BNIP2: variants seen among roughly 807,000 people sequenced by gnomAD.
The protein encoded by BNIP2 is BCL2/adenovirus E1B 19 kDa protein-interacting protein 2.
BNIP2 carries 36 observed loss-of-function variants against 43.4 expected under a neutral mutation model. That is an observed-to-expected ratio of 0.83 (90% CI 0.64 to 1.10). BNIP2 has a LOEUF of 1.10. Among genes scored for constraint, BNIP2 ranks in the 50% least tolerant of loss-of-function variants. BNIP2 has a pLI of 0.00. For missense variants in BNIP2, 417 were observed against 374.1 expected, an observed-to-expected ratio of 1.11 and a Z score of -0.95; for synonymous variants, 146 against 121.0, an observed-to-expected ratio of 1.21 and a Z score of -1.35.
chr15:59,677,741 C>G (rs1220097337), intron 5 of BNIP2, 170 bp downstream of exon 5: 1 of 1,162,586 alleles, frequency 8.6e-7, no homozygotes, highest in Non-Finnish European at 1.1e-6. Flanking sequence ...AAAACAAGCC[C>G]TCCAGGAACT....
intron 1 of BNIP2, chr15:59,688,656 G>A (rs1894177037): frequency 2.0e-6 from 3 of 1,489,838 alleles, no homozygotes; most frequent in Non-Finnish European, 2.7e-6. Flanking sequence ...TTGGTTTAGC[G>A]TACTAGGGAA....
At chr15:59,686,477 A>G (rs1894020833) in intron 1 of BNIP2, among the ~76,000 whole-genome samples, 1 of 152,218 alleles carries the variant, frequency 6.6e-6, no homozygotes, top group Non-Finnish European at 1.5e-5. Context: ...TGGTGCTGCA[A>G]TAGGTGCCAG....
At chr15:59,664,554 C>T (rs1324459312) in intron 9 of BNIP2, among the ~76,000 whole-genome samples, 2 of 151,676 alleles carry the variant, frequency 1.3e-5, no homozygotes, top group African/African-American at 2.4e-5. Context: ...GCTAATTTTT[C>T]GTATTTTTAG....
intron 1 of BNIP2, among the ~76,000 whole-genome samples, chr15:59,685,547 G>A (rs1459666283): frequency 6.6e-6 from 1 of 152,062 alleles, no homozygotes; most frequent in African/African-American, 2.4e-5. Context: ...ATAGCTCCTC[G>A]AAACACAGGC....
intron 1 of BNIP2, chr15:59,688,811 C>A (rs1478765881): frequency 1.3e-6 from 2 of 1,535,130 alleles, no homozygotes; most frequent in African/African-American, 2.7e-5. Context: ...AGCCACTTCA[C>A]CCACACCAGG....
rs994355007 is a variant in BNIP2 at position 59,662,732 on chromosome 15, G to C, written c.*1337C>G. 3.9e-5 allele frequency: 6 copies of C among 152,222 alleles called. No homozygotes were observed. Among genetic ancestry groups the C allele is most frequent in the Non-Finnish European group, 8.8e-5 (6 of 68,036 alleles). The allele number at this position is 152,222 out of a possible 1,614,324, so 9.4% of individuals were successfully genotyped here. A position where few individuals can be genotyped will look rare whatever the true frequency, so the allele number is the denominator to read the frequency against. On this transcript the variant is annotated 3_prime_UTR_variant, in exon 10 of 10. Transcript: ENST00000607373. ...AAAATACCTTACAGGAAGGGTTGAA[G>C]AGTAGCCATGACCTTCAAATTTGGA...
At chr15:59,682,322 G>A (rs529182115) in intron 2 of BNIP2, 86 bp downstream of exon 2, 129 of 1,233,684 alleles carry the variant, frequency 1.0e-4, no homozygotes, top group Admixed American at 1.7e-4. Context: ...GCAAGACTCC[G>A]TCTCAAAAAA....
In BNIP2 at chr15:59,680,213, T is replaced by A. The variant is rs750502888; in HGVS notation, c.118+28A>T. 6.8e-6 allele frequency: 10 copies of A among 1,479,046 alleles called. 1 individual carries two copies. The South Asian group carries it at 1.1e-4, about 16-fold the overall frequency. The allele number at this position is 1,479,046 out of a possible 1,614,324, so 91.6% of individuals were successfully genotyped here. On this transcript the variant is annotated intron_variant, in intron 3 of 9. Coordinates refer to ENST00000607373, the MANE Select transcript of BNIP2 (RefSeq NM_004330.4). ...AAAAAATAACACAAAGTCCATAATTTCAATGAAAGTAAGTGTCAAGCTCTT... is the reference window on the plus strand; with the variant it reads ...AAAAAATAACACAAAGTCCATAATTACAATGAAAGTAAGTGTCAAGCTCTT...
intron 1 of BNIP2, 47 bp downstream of exon 1, chr15:59,689,088 G>A: frequency 2.0e-6 from 3 of 1,517,780 alleles, no homozygotes; most frequent in South Asian, 1.2e-5. Flanking sequence ...CCGGTTCCCA[G>A]TCCAGCTCCG....
chr15:59,672,508 G>C (rs1434931400), intron 6 of BNIP2, 129 bp downstream of exon 6: 8 of 625,206 alleles, frequency 1.3e-5, no homozygotes, highest in African/African-American at 9.4e-5. Flanking sequence ...CTGGACTCAA[G>C]TGATCTGCCC....
chr15:59,672,710 C>G lies in BNIP2; in HGVS notation c.502G>C (p.Val168Leu). 2.5e-6 allele frequency: 4 copies of G among 1,613,788 alleles called. No individual in the cohort carries two copies. Among genetic ancestry groups the G allele is most frequent in the Non-Finnish European group, 3.4e-6 (4 of 1,179,750 alleles). Residue 168 changes from valine to leucine, a missense_variant, in exon 6 of 10, where the codon GTT (valine) becomes CTT (leucine). Physicochemically the swap from Val to Leu is conservative, Grantham distance 32 (BLOSUM62 1). Transcript: ENST00000607373. Reference sequence around the variant, plus strand: ...GGCATGAAACAGACAGCAAACACAACAATGGCATTTAATCCATCCCCATAA... The same window carrying G: ...GGCATGAAACAGACAGCAAACACAAGAATGGCATTTAATCCATCCCCATAA... ...GYYGDGLNAI[V>L]VFAVCFMPES...
intron 5 of BNIP2, among the ~76,000 whole-genome samples, chr15:59,673,685 C>T (rs1256313597): frequency 2.0e-5 from 3 of 152,158 alleles, no homozygotes; most frequent in Admixed American, 6.5e-5. Flanking sequence ...CCTCCTTTGG[C>T]CTCCCAAAGC....
At chr15:59,670,872 G>T (rs1181001812) in intron 7 of BNIP2, among the ~76,000 whole-genome samples, 1 of 152,064 alleles carries the variant, frequency 6.6e-6, no homozygotes, top group South Asian at 2.1e-4. Context: ...TCAGGAGTTC[G>T]AGACCAGCCT....
Position 59,663,973 on chromosome 15 carries a change from T to C in BNIP2, c.*96A>G, listed in dbSNP as rs1360555832. On this transcript the variant is annotated 3_prime_UTR_variant, in exon 10 of 10. Coordinates refer to ENST00000607373, the MANE Select transcript of BNIP2 (RefSeq NM_004330.4). ...AAGTCAAGTCTATTTTGTAACAGGTTACATAAAAATATGGGCCAATAAATG... is the reference window on the plus strand; with the variant it reads ...AAGTCAAGTCTATTTTGTAACAGGTCACATAAAAATATGGGCCAATAAATG... 2.6e-5 allele frequency: 25 copies of C among 958,024 alleles called. 1 individual carries two copies. The South Asian group carries it at 3.8e-4, about 14-fold the overall frequency. 59.3% of individuals were successfully genotyped at this position (958,024 alleles called of 1,614,324 possible).
chr15:59,674,133 C>T (rs1217839715), intron 5 of BNIP2, among the ~76,000 whole-genome samples: 2 of 147,988 alleles, frequency 1.4e-5, no homozygotes, highest in Admixed American at 6.7e-5. Context: ...AACTAAATTA[C>T]ATCTCTGACA....
In BNIP2 at chr15:59,676,959, C is replaced by G; in HGVS notation, c.472+952G>C. ...GAGAACAGCATGATCCTCTCTGCTG[C>G]CATCTTCATCACCCTCTTAGGTCTG... On this transcript the variant is annotated intron_variant, in intron 5 of 9. Transcript: ENST00000607373. 1.9e-6 allele frequency: 3 copies of G among 1,612,686 alleles called. No homozygotes were observed. The South Asian group carries it at 3.3e-5, about 18-fold the overall frequency.
chr15:59,684,535 AATACTT>A (rs1893894190), intron 1 of BNIP2, among the ~76,000 whole-genome samples: 1 of 152,346 alleles, frequency 6.6e-6, no homozygotes, highest in South Asian at 2.1e-4. Context: ...AAATGGTGAA[AATACTT>A]ACTACTCTAG....
rs1893744704 is a variant in BNIP2 at position 59,682,425 on chromosome 15, T to C, written c.33A>G (p.Gln11=). MEGVELKEEW[Q]DEDFPIPLPE... Reference sequence around the variant, plus strand: ...TTGCTCACATCGGAAAATCTTCATCTTGCCATTCTTCTTTAAGTTCCACAC... The same window carrying C: ...TTGCTCACATCGGAAAATCTTCATCCTGCCATTCTTCTTTAAGTTCCACAC... The change falls in exon 2 of 10, where the codon CAA becomes CAG. Residue 11 remains glutamine, a synonymous_variant. Transcript: ENST00000607373. 2 of 1,613,004 alleles carry C rather than the reference T, an allele frequency of 1.2e-6. No homozygotes were observed. Among genetic ancestry groups the C allele is most frequent in the Non-Finnish European group, 1.7e-6 (2 of 1,179,488 alleles).
intron 8 of BNIP2, 83 bp from the exon 9 acceptor site, chr15:59,669,073 T>C (rs1448906041): frequency 9.4e-6 from 12 of 1,280,766 alleles, no homozygotes; most frequent in African/African-American, 1.5e-5. Flanking sequence ...AAAAATCATG[T>C]CATTTTGAAT....
Sources: gnomAD v4.1 joint callset for allele counts (sites outside exome capture counted in the v4.1 genomes callset) on GRCh38, gnomAD v4.1.1 for gene constraint, MANE v1.5 for transcripts, NCBI Gene and HGNC (gene_info 2026-07-23, HGNC 2026-07-21) for gene names.